The following CACNA1C variants were observed in gnomAD, a reference collection of about 807,000 sequenced individuals.
The protein encoded by CACNA1C is voltage-dependent L-type calcium channel subunit alpha-1C.
A neutral mutation model predicts 229.0 loss-of-function variants in CACNA1C; 30 were observed. That is an observed-to-expected ratio of 0.13 (90% CI 0.10 to 0.18). The LOEUF is 0.18. Among genes scored for constraint, CACNA1C ranks in the 10% least tolerant of loss-of-function variants. CACNA1C has a pLI of 1.00. For synonymous variants in CACNA1C, 1,114 were observed against 1,132.5 expected, an observed-to-expected ratio of 0.98 and a Z score of 0.33; for missense variants, 1,658 against 2,845.0, an observed-to-expected ratio of 0.58 and a Z score of 9.49.
intron 3 of CACNA1C, among the ~76,000 whole-genome samples, chr12:2,122,254 C>G (rs1274076154): frequency 6.6e-6 from 1 of 152,196 alleles, no homozygotes; most frequent in East Asian, 1.9e-4. Context: ...GCTGCTTGCA[C>G]AACTGTGTAA....
intron 1 of CACNA1C, among the ~76,000 whole-genome samples, chr12:2,044,146 C>G (rs1415446081): frequency 6.6e-6 from 1 of 152,150 alleles, no homozygotes; most frequent in African/African-American, 2.4e-5. Flanking sequence ...TTTGAATCTG[C>G]TATGTAAAGA....
At position 2,601,983 on chromosome 12, in the gene CACNA1C, A is replaced by G. The variant is rs748727363; in HGVS notation, c.2960+23A>G. 6 of 1,467,780 alleles carry G rather than the reference A, an allele frequency of 4.1e-6. No individual in the cohort carries two copies. The highest frequency in any genetic ancestry group is 1.7e-4 in the Middle Eastern group (1 of 5,768). The allele number at this position is 1,467,780 out of a possible 1,614,324, so 90.9% of individuals were successfully genotyped here. A position where few individuals can be genotyped will look rare whatever the true frequency, so the allele number is the denominator to read the frequency against. On this transcript the variant is annotated intron_variant, in intron 22 of 46. Transcript: ENST00000399655. This position sits in a 1 kb window ranked among gnomAD's most constrained non-coding sequence, Gnocchi z 5.9. ...CCAGTGAGTGGGAGCCCCTCAGCCC[A>G]CGATGGGCCATGCAGCTAGCAAGGG...
chr12:1,995,159 T>C (rs1431626738), intron 1 of CACNA1C, among the ~76,000 whole-genome samples: 1 of 152,186 alleles, frequency 6.6e-6, no homozygotes, highest in East Asian at 1.9e-4. Context: ...TACAAACTTA[T>C]ATTTGGTCTG....
chr12:1,972,600 A>C lies in CACNA1C; in HGVS notation c.139+1399A>C, dbSNP rs148719801. ...ATCTGTGGTCTAACAAGGTTAAATA[A>C]GCTAGCCAAAGTCATTTTTCTTGGT... is the stretch of plus-strand genomic sequence containing the variant. On this transcript the variant is annotated intron_variant, in intron 1 of 46. Coordinates refer to the CACNA1C transcript ENST00000682462. Among the ~76,000 whole-genome samples the C allele has an allele frequency of 2.5e-3, 380 of 152,352 alleles. 2 individuals carry two copies. The highest frequency in any genetic ancestry group is 7.9e-3 in the African/African-American group (330 of 41,580).
At chr12:2,546,746 CA>C (rs1374682757) in intron 9 of CACNA1C, among the ~76,000 whole-genome samples, 1 of 152,232 alleles carries the variant, frequency 6.6e-6, no homozygotes, top group East Asian at 1.9e-4. Context: ...CACCCATTGA[CA>C]GGCAATTTAA....
rs1382341121 is a variant in CACNA1C, at chr12:2,696,246, G to C, written c.*5047G>C. On this transcript the variant is annotated 3_prime_UTR_variant, in exon 47 of 47. Transcript: ENST00000399655. ...TAGATCTTGCAGCTGAGTGGATGAAGTGTAACAAATCTGTTGCACGCTGAG... is the reference window on the plus strand; with the variant it reads ...TAGATCTTGCAGCTGAGTGGATGAACTGTAACAAATCTGTTGCACGCTGAG... 6.6e-6 allele frequency: 1 copy of C among 152,194 alleles called. No individual in the cohort carries two copies. The highest frequency in any genetic ancestry group is 2.4e-5 in the African/African-American group (1 of 41,446). The allele number at this position is 152,194 out of a possible 1,614,324, so 9.4% of individuals were successfully genotyped here.
chr12:2,681,232 G>A (rs532871428), intron 42 of CACNA1C, among the ~76,000 whole-genome samples: 17 of 152,322 alleles, frequency 1.1e-4, no homozygotes, highest in Admixed American at 1.0e-3. Context: ...GTTTAGAGGA[G>A]CTGGGGGAGG....
chr12:2,059,486 G>A (rs912150688), intron 1 of CACNA1C, among the ~76,000 whole-genome samples: 20 of 151,620 alleles, frequency 1.3e-4, no homozygotes, highest in Non-Finnish European at 1.8e-4. Context: ...TGAGGAAAGC[G>A]GGGGTTAACT....
chr12:2,575,395 C>G lies in CACNA1C; in HGVS notation c.1896-6195C>G, dbSNP rs929326606. On this transcript the variant is annotated intron_variant, in intron 13 of 46. Coordinates refer to ENST00000399655, the MANE Select transcript of CACNA1C (RefSeq NM_000719.7). This position sits in a 1 kb window ranked among gnomAD's most constrained non-coding sequence, Gnocchi z 4.0. ...GGTTCTGCCTCTGGGCATCCTAATC[C>G]CTCCCAGCTCTATTGTGTCTTAAGG... Among the ~76,000 whole-genome samples the G allele has an allele frequency of 1.3e-5, 2 of 152,122 alleles. No individual in the cohort carries two copies. Among genetic ancestry groups the G allele is most frequent in the African/African-American group, 4.8e-5 (2 of 41,420 alleles).
At chr12:2,514,929 C>G (rs555715836) in intron 9 of CACNA1C, among the ~76,000 whole-genome samples, 3 of 152,316 alleles carry the variant, frequency 2.0e-5, no homozygotes, top group African/African-American at 7.2e-5. Flanking sequence ...CCCATCTACC[C>G]AAATTTCTTG....
chr12:2,059,192 G>A (rs2056476874), intron 1 of CACNA1C, among the ~76,000 whole-genome samples: 1 of 152,144 alleles, frequency 6.6e-6, no homozygotes, highest in East Asian at 1.9e-4. Context: ...GAAAAGCAGA[G>A]CTGTGAGATG....
rs530724823 is a variant in CACNA1C at position 2,140,861 on chromosome 12, T to C, written c.477+20431T>C. Reference sequence around the variant, plus strand: ...CTTACGTTCTTATGATGCCAGCCAATAAACAACTGGCAACTTCATACACAC... The same window carrying C: ...CTTACGTTCTTATGATGCCAGCCAACAAACAACTGGCAACTTCATACACAC... On this transcript the variant is annotated intron_variant, in intron 3 of 46. Coordinates refer to ENST00000399655, the MANE Select transcript of CACNA1C (RefSeq NM_000719.7). 3.0e-4 allele frequency among the ~76,000 whole-genome samples: 45 copies of C among 151,340 alleles called. 2 individuals are homozygous for C. Among genetic ancestry groups the C allele is most frequent in the African/African-American group, 1.0e-3 (42 of 41,334 alleles).
intron 37 of CACNA1C, among the ~76,000 whole-genome samples, chr12:2,667,875 C>T (rs916636094): frequency 5.3e-5 from 8 of 152,286 alleles, no homozygotes; most frequent in Admixed American, 4.6e-4. Context: ...TTGAGCATGC[C>T]CTTGGCATGG....
intron 9 of CACNA1C, among the ~76,000 whole-genome samples, chr12:2,525,733 C>A (rs905138436): frequency 3.7e-4 from 56 of 152,212 alleles, no homozygotes; most frequent in African/African-American, 1.3e-3. Context: ...CTCCATCCTT[C>A]AGGATTACTT....
At chr12:2,302,444 C>A (rs2094635552) in intron 3 of CACNA1C, among the ~76,000 whole-genome samples, 1 of 151,958 alleles carries the variant, frequency 6.6e-6, no homozygotes. Context: ...CAGTCCCTTG[C>A]CTCGTCCATA....
intron 3 of CACNA1C, among the ~76,000 whole-genome samples, chr12:2,191,766 ACCT>A (rs1457182856): frequency 3.3e-5 from 5 of 150,918 alleles, no homozygotes; most frequent in Admixed American, 6.6e-5. Context: ...ACACAGGCAC[ACCT>A]CCACAGGCAC....
In CACNA1C at chr12:2,385,641, G is replaced by A. The variant is rs559294616; in HGVS notation, c.478-63335G>A. The stretch of plus-strand genomic sequence containing the variant: ...TTCTTAGTTCACCTGTCACTCTGTG[G>A]CTGCCTCACCCATCTAAGAAGCAAA... On this transcript the variant is annotated intron_variant, in intron 3 of 46. Coordinates refer to ENST00000399655, the MANE Select transcript of CACNA1C (RefSeq NM_000719.7). 7.2e-5 allele frequency among the ~76,000 whole-genome samples: 11 copies of A among 152,260 alleles called. No homozygotes were observed. In the South Asian group the frequency reaches 2.3e-3, roughly 32 times the overall value.
chr12:2,211,728 T>C (rs2097921417), intron 3 of CACNA1C, among the ~76,000 whole-genome samples: 1 of 150,110 alleles, frequency 6.7e-6, no homozygotes, highest in Non-Finnish European at 1.5e-5. Context: ...TTTTTTTTTT[T>C]TTTTTTTGAG....
At chr12:2,454,903 T>C (rs1230970516) in intron 4 of CACNA1C, among the ~76,000 whole-genome samples, 1 of 152,238 alleles carries the variant, frequency 6.6e-6, no homozygotes, top group African/African-American at 2.4e-5. Context: ...ACCACGCGTC[T>C]ATGCTGACAA....
Sources: allele counts gnomAD v4.1 joint callset (sites outside exome capture counted in the v4.1 genomes callset), GRCh38; gene constraint gnomAD v4.1.1; non-coding constraint Gnocchi (gnomAD v3.1); transcripts MANE v1.5; gene names NCBI Gene and HGNC (gene_info 2026-07-23, HGNC 2026-07-21).